Variants in CWH43 observed in about 807,000 individuals in gnomAD.
The protein encoded by CWH43 is cell wall biogenesis 43 C-terminal homolog.
A neutral mutation model predicts 85.7 loss-of-function variants in CWH43; 91 were observed. That is an observed-to-expected ratio of 1.06 (90% CI 0.90 to 1.26). CWH43 has a LOEUF of 1.26. CWH43 is among the 50% of genes most tolerant of loss of function. The probability of loss-of-function intolerance (pLI) is 0.00; values close to 1 mark genes in which losing one functional copy is unlikely to be tolerated. For synonymous variants in CWH43, 323 were observed against 293.6 expected (o/e 1.10, Z -1.02); for missense variants, 869 against 839.2 (o/e 1.04, Z -0.44).
intron 6 of CWH43, among the ~76,000 whole-genome samples, chr4:48,999,388 C>T (rs1357231682): frequency 3.9e-5 from 6 of 152,280 alleles, no homozygotes; most frequent in South Asian, 2.1e-4. Context: ...TAAACATACG[C>T]GTGCATGTGT....
intron 9 of CWH43, among the ~76,000 whole-genome samples, chr4:49,026,365 G>C (rs1482362019): frequency 3.3e-5 from 5 of 152,218 alleles, no homozygotes; most frequent in Admixed American, 3.3e-4. Flanking sequence ...CAAAGGGTCT[G>C]TGGATTCCCT....
At chr4:49,047,212 G>A (rs973989459) in intron 14 of CWH43, among the ~76,000 whole-genome samples, 1 of 151,470 alleles carries the variant, frequency 6.6e-6, no homozygotes, top group Non-Finnish European at 1.5e-5. Context: ...GATATGGCTT[G>A]TTTGGTTATG....
chr4:49,019,725 G>A (rs190651908), intron 9 of CWH43, among the ~76,000 whole-genome samples: 2 of 151,776 alleles, frequency 1.3e-5, no homozygotes, highest in African/African-American at 2.4e-5. Flanking sequence ...GATTACAGGC[G>A]CACACCACCA....
chr4:48,990,052 A>G (rs1265659173), intron 2 of CWH43, among the ~76,000 whole-genome samples: 4 of 152,198 alleles, frequency 2.6e-5, no homozygotes, highest in Admixed American at 2.0e-4. Context: ...GGTGCTGCCT[A>G]TGTGGGCCTT....
Position 49,003,739 on chromosome 4 carries a change from A to G in CWH43, c.807A>G (p.Thr269=). The part of the protein sequence containing the change: ...GTGLIWWVTG[T]ASAAGLLYLH... ...TCTTTTCTCTCTCACAAACAGGAAC[A>G]GCTTCAGCTGCGGGGCTCCTTTACC... Residue 269 remains threonine (T), a synonymous_variant, in exon 7 of 16, where the codon ACA becomes ACG. Transcript: ENST00000226432. The G allele has an allele frequency of 6.2e-7, 1 of 1,613,778 alleles. No individual in the cohort carries two copies. The highest frequency in any genetic ancestry group is 8.5e-7 in the Non-Finnish European group (1 of 1,179,854).
Position 49,032,776 on chromosome 4 carries a change from CTTTGATT to C in CWH43, c.1658+63_1658+69del, listed in dbSNP as rs1784141442. On this transcript the variant is annotated intron_variant, in intron 12 of 15. Transcript: ENST00000226432. ...GCCAAGAAATGTTATTAACAATGTA[CTTTGATT>C]TCTATGAAATCACCTTTCTCATTTT... is the stretch of plus-strand genomic sequence containing the variant. The C allele has an allele frequency of 2.6e-6, 4 of 1,564,094 alleles. No homozygotes were observed. In the African/African-American group the frequency reaches 5.4e-5, roughly 21 times the overall value.
At chr4:49,052,230 T>C (rs1309365185) in intron 15 of CWH43, among the ~76,000 whole-genome samples, 2 of 152,184 alleles carry the variant, frequency 1.3e-5, no homozygotes, top group African/African-American at 2.4e-5. Context: ...AAGTGTAATG[T>C]GACTAGGAAA....
chr4:49,007,167 G>A (rs373362250), intron 7 of CWH43, 34 bp from the exon 8 acceptor site: 1 of 1,592,088 alleles, frequency 6.3e-7, no homozygotes, highest in South Asian at 1.2e-5. Context: ...TTTTGGATCA[G>A]ACTATAACAT....
intron 7 of CWH43, among the ~76,000 whole-genome samples, chr4:49,006,725 C>A (rs894508373): frequency 2.0e-5 from 3 of 152,272 alleles, no homozygotes; most frequent in African/African-American, 7.2e-5. Flanking sequence ...CAGCATGCAT[C>A]CTCTGTGAGG....
chr4:49,037,988 A>G, intron 12 of CWH43, 48 bp from the exon 13 acceptor site: 1 of 1,539,992 alleles, frequency 6.5e-7, no homozygotes, highest in Non-Finnish European at 8.8e-7. Context: ...GGCTTTTTAA[A>G]GTTTGTTTTA....
chr4:49,040,900 C>G (rs1439960889), intron 13 of CWH43, among the ~76,000 whole-genome samples: 2 of 152,216 alleles, frequency 1.3e-5, no homozygotes, highest in Admixed American at 1.3e-4. Context: ...GTCTTTAATC[C>G]ATCTTGAATT....
At chr4:49,060,074 T>G (rs1288765515) in intron 15 of CWH43, among the ~76,000 whole-genome samples, 1 of 152,264 alleles carries the variant, frequency 6.6e-6, no homozygotes, top group East Asian at 1.9e-4. Context: ...GGGACTGGTC[T>G]GGAGCTCGGG....
intron 11 of CWH43, among the ~76,000 whole-genome samples, chr4:49,032,286 A>C (rs1325656990): frequency 6.6e-6 from 1 of 152,216 alleles, no homozygotes; most frequent in Non-Finnish European, 1.5e-5. Context: ...CTGCAAATAC[A>C]ATGGGTTTTT....
intron 9 of CWH43, among the ~76,000 whole-genome samples, chr4:49,028,097 CT>C (rs374984642): frequency 6.6e-6 from 1 of 152,100 alleles, no homozygotes; most frequent in Non-Finnish European, 1.5e-5. Flanking sequence ...AGTATTGTGA[CT>C]TTTTTTAGCA....
chr4:49,059,196 T>G (rs1010738269), intron 15 of CWH43, among the ~76,000 whole-genome samples: 2 of 152,228 alleles, frequency 1.3e-5, no homozygotes, highest in Admixed American at 6.5e-5. Context: ...ATGACCAGAC[T>G]TTGAGCTCTC....
chr4:49,016,725 A>T, intron 8 of CWH43: 1 of 776,414 alleles, frequency 1.3e-6, no homozygotes, highest in Non-Finnish European at 2.4e-6. Flanking sequence ...TGCCTGCTCG[A>T]AAACAACCTT....
Position 49,061,818 on chromosome 4 carries a change from A to G in CWH43, c.2028A>G (p.Gly676=), listed in dbSNP as rs761707639. The G allele has an allele frequency of 4.3e-6, 6 of 1,389,742 alleles. No individual in the cohort carries two copies. Among genetic ancestry groups the G allele is most frequent in the Non-Finnish European group, 5.7e-6 (6 of 1,046,044 alleles). 86.1% of individuals were successfully genotyped at this position (1,389,742 alleles called of 1,614,324 possible). ...SEKIHFNPRF[G]SYKEGHNYEN... is the part of the protein sequence containing the mutation. The stretch of plus-strand genomic sequence containing the variant: ...TTATTTTTTATTTTTTTAGATTTGG[A>G]TCCTACAAAGAAGGACACAATTATG... Residue 676 remains glycine, a synonymous_variant, in exon 16 of 16, where the codon GGA becomes GGG. Transcript: ENST00000226432.
intron 8 of CWH43, among the ~76,000 whole-genome samples, chr4:49,007,981 A>C (rs769812302): frequency 6.6e-6 from 1 of 152,226 alleles, no homozygotes; most frequent in Non-Finnish European, 1.5e-5. Context: ...CTTTGGGTAC[A>C]TACCCAGTAA....
intron 6 of CWH43, among the ~76,000 whole-genome samples, chr4:49,001,378 A>G (rs1782983934): frequency 6.6e-6 from 1 of 152,082 alleles, no homozygotes; most frequent in Non-Finnish European, 1.5e-5. Flanking sequence ...TGTTGTACAG[A>G]TTTGGGGGAG....
Sources: allele counts gnomAD v4.1 joint callset (sites outside exome capture counted in the v4.1 genomes callset), GRCh38; gene constraint gnomAD v4.1.1; transcripts MANE v1.5; gene names NCBI Gene and HGNC (gene_info 2026-07-23, HGNC 2026-07-21).